The following NUP188 variants were observed in gnomAD, a reference collection of about 807,000 sequenced individuals.
The protein encoded by NUP188 is nucleoporin NUP188.
A neutral mutation model predicts 223.0 loss-of-function variants in NUP188; 97 were observed. The observed-to-expected ratio is 0.43, with a 90% CI of 0.37 to 0.51. The LOEUF (loss-of-function observed/expected upper bound fraction) is 0.51. Among genes scored for constraint, NUP188 ranks in the 20% least tolerant of loss-of-function variants. The probability of loss-of-function intolerance (pLI) is 0.00; values close to 1 mark genes in which losing one functional copy is unlikely to be tolerated. For missense variants in NUP188, 1,947 were observed against 2,175.6 expected, an observed-to-expected ratio of 0.89 and a Z score of 2.09; for synonymous variants, 869 against 828.0, an observed-to-expected ratio of 1.05 and a Z score of -0.85.
chr9:128,990,274 T>C (rs1355627067), intron 25 of NUP188, 48 bp downstream of exon 25: 2 of 1,437,336 alleles, frequency 1.4e-6, no homozygotes, highest in Non-Finnish European at 2.0e-6. Flanking sequence ...AGGGTGTTTT[T>C]TTCCCCCTGA....
At chr9:128,967,029 A>G (rs560291257) in intron 8 of NUP188, among the ~76,000 whole-genome samples, 2 of 152,276 alleles carry the variant, frequency 1.3e-5, no homozygotes, top group South Asian at 4.1e-4. Flanking sequence ...TGTGTGTGTG[A>G]CAGAGTCTCA....
intron 11 of NUP188, among the ~76,000 whole-genome samples, chr9:128,971,361 A>T (rs575571361): frequency 3.6e-4 from 55 of 152,258 alleles, no homozygotes; most frequent in South Asian, 1.4e-3. Context: ...TGAATTAGAA[A>T]TTCTCTTGAG....
intron 2 of NUP188, among the ~76,000 whole-genome samples, chr9:128,950,380 C>T (rs935155139): frequency 2.0e-5 from 3 of 151,920 alleles, no homozygotes; most frequent in Non-Finnish European, 2.9e-5. Flanking sequence ...GCCACCACGC[C>T]CGGCTAATTT....
intron 34 of NUP188, among the ~76,000 whole-genome samples, chr9:129,001,069 C>T (rs564026033): frequency 2.0e-5 from 3 of 152,080 alleles, no homozygotes; most frequent in Admixed American, 2.0e-4. Flanking sequence ...TGGGTCATGG[C>T]CAAAAAGAAG....
chr9:129,004,971 A>T (rs1392042162), intron 38 of NUP188, 176 bp from the exon 39 acceptor site: 2 of 610,286 alleles, frequency 3.3e-6, no homozygotes, highest in Non-Finnish European at 5.9e-6. Flanking sequence ...AAGGAGGGAG[A>T]GAAGGGGAGC....
At chr9:128,998,001 G>A in intron 30 of NUP188, 150 bp from the exon 31 acceptor site, 1 of 654,270 alleles carries the variant, frequency 1.5e-6, no homozygotes, top group Admixed American at 2.2e-5. Context: ...TTACAGGCAT[G>A]AGCCACCACG....
rs540862806 is a variant in NUP188 at position 128,952,483 on chromosome 9, G to A, written c.88-290G>A. Among the ~76,000 whole-genome samples the A allele has an allele frequency of 6.6e-5, 10 of 152,236 alleles. 1 individual carries two copies. In the East Asian group the frequency reaches 1.5e-3, roughly 23 times the overall value. On this transcript the variant is annotated intron_variant, in intron 2 of 43. Coordinates refer to ENST00000372577, the MANE Select transcript of NUP188 (RefSeq NM_015354.3). ...CACGCCTGTAATCCCAGCACTTTGGGAGGCCAAGGCAGGCAGATCACTTGA... is the reference window on the plus strand; with the variant it reads ...CACGCCTGTAATCCCAGCACTTTGGAAGGCCAAGGCAGGCAGATCACTTGA...
chr9:128,968,482 A>G lies in NUP188; in HGVS notation c.586-24A>G, dbSNP rs1266695236. On this transcript the variant is annotated intron_variant, in intron 8 of 43. Coordinates refer to ENST00000372577, the MANE Select transcript of NUP188 (RefSeq NM_015354.3). ...TTTAATCTCATGTTATTTCTCTCCC[A>G]TTTTGTTTTCATTGGTTGTACAGAC... 4 of 1,582,388 alleles carry G rather than the reference A, an allele frequency of 2.5e-6. No individual in the cohort carries two copies. In the South Asian group the frequency reaches 4.5e-5, roughly 18 times the overall value.
At chr9:128,960,360 C>T (rs1364576700) in intron 8 of NUP188, among the ~76,000 whole-genome samples, 4 of 152,044 alleles carry the variant, frequency 2.6e-5, no homozygotes, top group South Asian at 4.1e-4. Flanking sequence ...CGTGAGCCAC[C>T]GCGCCTGGCT....
chr9:128,961,558 A>G (rs549653556), intron 8 of NUP188, among the ~76,000 whole-genome samples: 2 of 149,444 alleles, frequency 1.3e-5, no homozygotes, highest in South Asian at 4.2e-4. Context: ...AAGACACACT[A>G]TATATATCTA....
rs939433318 is a variant in NUP188 at position 128,970,805 on chromosome 9, C to T, written c.960C>T (p.Ala320=). ...CCTTTGGGGACATTCCACATCATGCCCCAGTGCTTTTGGCCTGGGCTCTCC... is the reference window on the plus strand; with the variant it reads ...CCTTTGGGGACATTCCACATCATGCTCCAGTGCTTTTGGCCTGGGCTCTCC... The part of the protein sequence containing the change: ...MLTFGDIPHH[A]PVLLAWALLR... Residue 320 remains alanine, a synonymous_variant, in exon 11 of 44, where the codon GCC becomes GCT. Coordinates refer to ENST00000372577, the MANE Select transcript of NUP188 (RefSeq NM_015354.3). 18 of 1,614,008 alleles carry T rather than the reference C, an allele frequency of 1.1e-5. No individual in the cohort carries two copies. The highest frequency in any genetic ancestry group is 1.5e-5 in the Non-Finnish European group (18 of 1,180,050).
chr9:128,963,825 T>A (rs1003343267), intron 8 of NUP188, among the ~76,000 whole-genome samples: 5 of 151,326 alleles, frequency 3.3e-5, no homozygotes, highest in Admixed American at 6.6e-5. Flanking sequence ...TTTTTTTTTT[T>A]TTTATTTTTG....
chr9:129,001,828 C>CCCCTG, intron 35 of NUP188, 56 bp from the exon 36 acceptor site: 1 of 1,583,528 alleles, frequency 6.3e-7, no homozygotes, highest in Non-Finnish European at 8.7e-7. Flanking sequence ...GCCCTACCTA[C>CCCCTG]CCTAGGCAGG....
chr9:128,966,254 CTG>C (rs952904931), intron 8 of NUP188, among the ~76,000 whole-genome samples: 2 of 118,648 alleles, frequency 1.7e-5, no homozygotes, highest in African/African-American at 3.1e-5. Context: ...CTGTCTGTCT[CTG>C]TGTCTGTGTG....
At chr9:128,998,269 T>C (rs775361741) in intron 31 of NUP188, 41 bp downstream of exon 31, 10 of 1,549,514 alleles carry the variant, frequency 6.5e-6, no homozygotes, top group South Asian at 1.1e-5. Flanking sequence ...CCCAGGGAGG[T>C]TGTCTTTGAA....
At chr9:128,970,444 G>T (rs956083293) in intron 10 of NUP188, among the ~76,000 whole-genome samples, 1 of 152,198 alleles carries the variant, frequency 6.6e-6, no homozygotes, top group Admixed American at 6.5e-5. Context: ...TGGTTAGGAA[G>T]ATAGAAAATG....
chr9:128,959,527 C>CTTTTTTTTTTTTTT (rs1303364478), intron 8 of NUP188, among the ~76,000 whole-genome samples: 9 of 123,896 alleles, frequency 7.3e-5, no homozygotes, highest in African/African-American at 2.9e-4. Flanking sequence ...TACAGATTAT[C>CTTTTTTTTTTTTTT]TTTTTTTTTT....
chr9:128,999,694 A>G lies in NUP188; in HGVS notation c.3732A>G (p.Ala1244=), dbSNP rs1038069573. The G allele has an allele frequency of 1.9e-6, 3 of 1,613,232 alleles. No individual in the cohort carries two copies. Among genetic ancestry groups the G allele is most frequent in the African/African-American group, 2.7e-5 (2 of 74,672 alleles). The change falls in exon 34 of 44, where the codon GCA becomes GCG. Residue 1244 remains alanine (A), a synonymous_variant. Coordinates refer to ENST00000372577, the MANE Select transcript of NUP188 (RefSeq NM_015354.3). ...VCETLQEEVI[A]LFDQTRHSLA... is the part of the protein sequence containing the mutation. ...AGACCCTCCAAGAGGAAGTGATTGCACTCTTCGACCAGACCCGCCACAGTC... is the reference window on the plus strand; with the variant it reads ...AGACCCTCCAAGAGGAAGTGATTGCGCTCTTCGACCAGACCCGCCACAGTC...
intron 3 of NUP188, among the ~76,000 whole-genome samples, chr9:128,953,520 T>A (rs1328656207): frequency 6.6e-6 from 1 of 152,178 alleles, no homozygotes; most frequent in Non-Finnish European, 1.5e-5. Flanking sequence ...TACCTTCCAT[T>A]TTCATTCTCT....
Sources: gnomAD v4.1 joint callset for allele counts (sites outside exome capture counted in the v4.1 genomes callset) on GRCh38, gnomAD v4.1.1 for gene constraint, MANE v1.5 for transcripts, NCBI Gene and HGNC (gene_info 2026-07-23, HGNC 2026-07-21) for gene names.